RASEF: variants seen among roughly 807,000 people sequenced by gnomAD.
The protein encoded by RASEF is ras and EF-hand domain-containing protein.
Under a neutral mutation model 90.1 loss-of-function variants are expected in RASEF, and 68 were observed. That is an observed-to-expected ratio of 0.75 (90% CI 0.62 to 0.92). RASEF has a LOEUF of 0.92. Ranked by LOEUF, RASEF falls within the 40% of genes least tolerant of loss-of-function variation. The probability of loss-of-function intolerance (pLI) is 0.00; values close to 1 mark genes in which losing one functional copy is unlikely to be tolerated. For synonymous variants in RASEF, 331 were observed against 345.2 expected (o/e 0.96, Z 0.46); for missense variants, 949 against 937.2 (o/e 1.01, Z -0.16).
chr9:82,993,807 C>A (rs922411234), intron 14 of RASEF, among the ~76,000 whole-genome samples: 2 of 152,178 alleles, frequency 1.3e-5, no homozygotes, highest in African/African-American at 4.8e-5. Flanking sequence ...AGACCCAGCC[C>A]TCCACCAGCT....
At chr9:83,047,220 C>T (rs757084369) in intron 1 of RASEF, among the ~76,000 whole-genome samples, 1 of 151,978 alleles carries the variant, frequency 6.6e-6, no homozygotes, top group Non-Finnish European at 1.5e-5. Flanking sequence ...CATGTGAGAA[C>T]ATTTAAGGAA....
At chr9:83,086,862 C>A in the RASEF span, among the ~76,000 whole-genome samples, 1 of 152,142 alleles carries the variant, frequency 6.6e-6, no homozygotes, top group Non-Finnish European at 1.5e-5. Flanking sequence ...ATGGAGCTAT[C>A]TATCACCTAA....
intron 4 of RASEF, 115 bp downstream of exon 4, chr9:83,015,690 T>C (rs1829330838): frequency 2.5e-6 from 2 of 807,254 alleles, no homozygotes; most frequent in Non-Finnish European, 4.3e-6. Flanking sequence ...AAAACAAATC[T>C]GAAATCTGAT....
At chr9:83,154,064 TG>T in the RASEF span, among the ~76,000 whole-genome samples, 1 of 152,216 alleles carries the variant, frequency 6.6e-6, no homozygotes, top group African/African-American at 2.4e-5. Flanking sequence ...TTAACTTGTC[TG>T]GGCGTTGGCA....
chr9:83,155,397 G>A, the RASEF span, among the ~76,000 whole-genome samples: 1 of 152,184 alleles, frequency 6.6e-6, no homozygotes, highest in Non-Finnish European at 1.5e-5. Flanking sequence ...CATGGCAGAA[G>A]GTGAAAGGCA....
chr9:83,056,039 T>C (rs752168602), intron 1 of RASEF, among the ~76,000 whole-genome samples: 1 of 152,160 alleles, frequency 6.6e-6, no homozygotes, highest in Non-Finnish European at 1.5e-5. Context: ...AAGGGCAATG[T>C]CAATATTGGG....
Position 83,062,980 on chromosome 9 carries a change from C to T in RASEF, c.-113G>A. The stretch of plus-strand genomic sequence containing the variant: ...GGGAGGCCCGGCGAGTTTGGCTCGT[C>T]CGGCTGGTTCGGCCACTTGAGGGAA... On this transcript the variant is annotated 5_prime_UTR_variant, in exon 1 of 17. Transcript: ENST00000376447. The T allele has an allele frequency of 8.4e-7, 1 of 1,195,156 alleles. No homozygotes were observed. Among genetic ancestry groups the T allele is most frequent in the South Asian group, 1.9e-5 (1 of 51,554 alleles). 74.0% of individuals were successfully genotyped at this position (1,195,156 alleles called of 1,614,324 possible). A position where few individuals can be genotyped will look rare whatever the true frequency, so the allele number is the denominator to read the frequency against.
chr9:83,119,136 T>A, the RASEF span, among the ~76,000 whole-genome samples: 5 of 151,046 alleles, frequency 3.3e-5, no homozygotes, highest in African/African-American at 1.2e-4. Flanking sequence ...GCCTCCTGAG[T>A]AGCTGGGATT....
the RASEF span, among the ~76,000 whole-genome samples, chr9:83,122,538 G>C: frequency 6.6e-6 from 1 of 152,146 alleles, no homozygotes; most frequent in Admixed American, 6.5e-5. Flanking sequence ...CCCACTCCTT[G>C]TGAGGGCCTC....
the RASEF span, among the ~76,000 whole-genome samples, chr9:83,164,347 G>GTGTGTATATATATATACA: frequency 7.7e-6 from 1 of 129,988 alleles, no homozygotes; most frequent in Non-Finnish European, 1.6e-5. Flanking sequence ...GTATATGTGT[G>GTGTGTATATATATATACA]TATATATATA....
chr9:83,136,102 T>C, the RASEF span, among the ~76,000 whole-genome samples: 1 of 151,982 alleles, frequency 6.6e-6, no homozygotes, highest in Non-Finnish European at 1.5e-5. Context: ...ATATTAAAAA[T>C]ATATAAAAAC....
intron 1 of RASEF, among the ~76,000 whole-genome samples, chr9:83,049,528 C>CTTTT (rs1564089031): frequency 4.1e-5 from 3 of 73,514 alleles, no homozygotes; most frequent in East Asian, 8.8e-4. Flanking sequence ...TTTCTGCCTT[C>CTTTT]CTTTTTTTTT....
the RASEF span, among the ~76,000 whole-genome samples, chr9:83,146,834 C>T: frequency 2.0e-5 from 3 of 151,874 alleles, no homozygotes; most frequent in Admixed American, 2.0e-4. Context: ...AGACAGAGCC[C>T]CCAGCAACTG....
At chr9:82,986,340 C>T (rs1387996683) in intron 16 of RASEF, among the ~76,000 whole-genome samples, 4 of 152,194 alleles carry the variant, frequency 2.6e-5, no homozygotes, top group Non-Finnish European at 4.4e-5. Context: ...CTATCAGCTA[C>T]GTACCATATG....
the RASEF span, among the ~76,000 whole-genome samples, chr9:83,179,629 G>C: frequency 6.6e-6 from 1 of 152,150 alleles, no homozygotes; most frequent in Non-Finnish European, 1.5e-5. Flanking sequence ...AGTGCCTATA[G>C]TGTATTAGGT....
chr9:83,017,321 T>TAAAA (rs1174147161), intron 3 of RASEF, among the ~76,000 whole-genome samples: 4 of 128,206 alleles, frequency 3.1e-5, no homozygotes, highest in African/African-American at 5.8e-5. Context: ...TCGTCTCTAC[T>TAAAA]AAAAAAAAAA....
chr9:83,149,182 C>T, the RASEF span, among the ~76,000 whole-genome samples: 4 of 152,202 alleles, frequency 2.6e-5, no homozygotes, highest in African/African-American at 9.7e-5. Flanking sequence ...TTATTGGCCA[C>T]AAAGATTATG....
intron 16 of RASEF, among the ~76,000 whole-genome samples, chr9:82,984,023 C>T (rs1828666929): frequency 6.6e-6 from 1 of 152,150 alleles, no homozygotes; most frequent in South Asian, 2.1e-4. Context: ...TTTTGGGCAA[C>T]CAAGTTTTGG....
chr9:83,094,019 T>C, the RASEF span, among the ~76,000 whole-genome samples: 1 of 152,352 alleles, frequency 6.6e-6, no homozygotes, highest in South Asian at 2.1e-4. Flanking sequence ...GTGATTTTGA[T>C]ATATGGGTCA....
Sources: allele counts gnomAD v4.1 joint callset (sites outside exome capture counted in the v4.1 genomes callset), GRCh38; gene constraint gnomAD v4.1.1; transcripts MANE v1.5; gene names NCBI Gene and HGNC (gene_info 2026-07-23, HGNC 2026-07-21).